FAM227B: variants seen among roughly 807,000 people sequenced by gnomAD.
FAM227B encodes protein FAM227B.
In FAM227B, 88 loss-of-function variants were observed where a neutral mutation model predicts 73.8. That is an observed-to-expected ratio of 1.19 (90% CI 1.00 to 1.42). FAM227B has a LOEUF of 1.42. FAM227B is among the 40% of genes most tolerant of loss of function. The pLI is 0.00. For missense variants in FAM227B, 632 were observed against 590.9 expected, an observed-to-expected ratio of 1.07 and a Z score of -0.72; for synonymous variants, 210 against 190.5, an observed-to-expected ratio of 1.10 and a Z score of -0.84.
intron 11 of FAM227B, among the ~76,000 whole-genome samples, chr15:49,430,855 A>C (rs2050548803): frequency 1.3e-5 from 2 of 151,944 alleles, no homozygotes; most frequent in South Asian, 4.1e-4. Flanking sequence ...ATTAAATTTC[A>C]ACATGAGTTT....
intron 11 of FAM227B, among the ~76,000 whole-genome samples, chr15:49,497,173 A>T (rs1245900032): frequency 1.3e-5 from 2 of 152,192 alleles, no homozygotes; most frequent in Non-Finnish European, 1.5e-5. Context: ...GGGTTGTATG[A>T]CCTGCTCAAA....
chr15:49,615,812 A>C (rs1299797646), intron 1 of FAM227B, among the ~76,000 whole-genome samples: 7 of 152,256 alleles, frequency 4.6e-5, no homozygotes, highest in Admixed American at 2.6e-4. Context: ...GACAAACGAC[A>C]TGCATATAAC....
At chr15:49,604,891 T>C (rs981258965) in intron 3 of FAM227B, among the ~76,000 whole-genome samples, 3 of 152,070 alleles carry the variant, frequency 2.0e-5, no homozygotes, top group Admixed American at 2.0e-4. Flanking sequence ...AATTTCTGTG[T>C]GTGGATTTTT....
intron 9 of FAM227B, among the ~76,000 whole-genome samples, chr15:49,559,785 A>G (rs529277820): frequency 2.0e-5 from 3 of 152,236 alleles, no homozygotes; most frequent in Non-Finnish European, 4.4e-5. Flanking sequence ...AAATACAAAA[A>G]TTAGCAGGGC....
chr15:49,543,860 G>C (rs759313622), intron 9 of FAM227B, among the ~76,000 whole-genome samples: 18 of 151,998 alleles, frequency 1.2e-4, no homozygotes, highest in Non-Finnish European at 2.5e-4. Flanking sequence ...TTGTCTACTT[G>C]CCTATTTTTA....
chr15:49,463,602 G>C (rs928761515), intron 11 of FAM227B, among the ~76,000 whole-genome samples: 18 of 150,716 alleles, frequency 1.2e-4, no homozygotes, highest in Non-Finnish European at 4.4e-5. Flanking sequence ...GTTCTTAATG[G>C]TCTAGCCCTG....
intron 11 of FAM227B, among the ~76,000 whole-genome samples, chr15:49,374,220 C>A (rs982069364): frequency 6.6e-6 from 1 of 152,104 alleles, no homozygotes; most frequent in African/African-American, 2.4e-5. Context: ...GAGACCCAAG[C>A]CTGATATAAT....
At chr15:49,588,601 A>ATATATATATATATAT (rs1491438325) in intron 4 of FAM227B, among the ~76,000 whole-genome samples, 1 of 109,648 alleles carries the variant, frequency 9.1e-6, no homozygotes, top group Non-Finnish European at 1.9e-5. Context: ...ATATATATAT[A>ATATATATATATATAT]AAATTACCTT....
At chr15:49,596,997 G>C (rs189286225) in intron 3 of FAM227B, among the ~76,000 whole-genome samples, 1 of 152,058 alleles carries the variant, frequency 6.6e-6, no homozygotes, top group East Asian at 1.9e-4. Flanking sequence ...CCTAAAAAAT[G>C]AGATAGATGG....
chr15:49,363,119 T>C (rs2044539528), intron 13 of FAM227B, among the ~76,000 whole-genome samples: 1 of 152,190 alleles, frequency 6.6e-6, no homozygotes, highest in East Asian at 1.9e-4. Context: ...CTTTTTTGGT[T>C]CAACATAAAT....
At chr15:49,429,317 G>A (rs531839652) in intron 11 of FAM227B, among the ~76,000 whole-genome samples, 3 of 152,024 alleles carry the variant, frequency 2.0e-5, no homozygotes, top group South Asian at 4.1e-4. Context: ...TAAACTGCTG[G>A]GGAGCAGATT....
chr15:49,507,295 T>C (rs1228729147), intron 11 of FAM227B, among the ~76,000 whole-genome samples: 1 of 152,138 alleles, frequency 6.6e-6, no homozygotes, highest in East Asian at 1.9e-4. Flanking sequence ...TAAATAATTC[T>C]AGAATCAGAT....
chr15:49,580,901 T>C (rs1161086889), intron 5 of FAM227B, among the ~76,000 whole-genome samples: 1 of 152,124 alleles, frequency 6.6e-6, no homozygotes, highest in African/African-American at 2.4e-5. Context: ...CCTCAAAGAT[T>C]GCTTCTCAGA....
chr15:49,504,375 T>C (rs1360309164), intron 11 of FAM227B, among the ~76,000 whole-genome samples: 4 of 151,638 alleles, frequency 2.6e-5, no homozygotes, highest in Admixed American at 1.3e-4. Flanking sequence ...TGTATACATA[T>C]GTAACAAACC....
At chr15:49,353,683 T>C (rs2042597721) in intron 13 of FAM227B, 2 of 151,792 alleles carry the variant, frequency 1.3e-5, no homozygotes, top group Non-Finnish European at 2.9e-5. Flanking sequence ...GCTTTCCTAT[T>C]CACTTCGCCC....
At chr15:49,571,987 A>G (rs2075137344) in intron 8 of FAM227B, among the ~76,000 whole-genome samples, 1 of 152,004 alleles carries the variant, frequency 6.6e-6, no homozygotes, top group South Asian at 2.1e-4. Context: ...TAAACACAGG[A>G]TATCTTTCCA....
intron 11 of FAM227B, among the ~76,000 whole-genome samples, chr15:49,492,092 T>C (rs1332205349): frequency 1.3e-5 from 2 of 151,906 alleles, no homozygotes; most frequent in Non-Finnish European, 2.9e-5. Context: ...GCAAGTCCTT[T>C]AGAATCTGTT....
At chr15:49,516,113 T>C (rs2059359508) in intron 10 of FAM227B, among the ~76,000 whole-genome samples, 1 of 152,100 alleles carries the variant, frequency 6.6e-6, no homozygotes, top group South Asian at 2.1e-4. Flanking sequence ...GACAATAGGG[T>C]TTGCTGTCCC....
intron 11 of FAM227B, among the ~76,000 whole-genome samples, chr15:49,497,806 G>A (rs2152077988): frequency 6.6e-6 from 1 of 152,286 alleles, no homozygotes; most frequent in South Asian, 2.1e-4. Context: ...CTCAATGGAG[G>A]CTGTGTTTCT....
Sources: allele counts gnomAD v4.1 joint callset (sites outside exome capture counted in the v4.1 genomes callset), GRCh38; gene constraint gnomAD v4.1.1; transcripts MANE v1.5; gene names NCBI Gene and HGNC (gene_info 2026-07-23, HGNC 2026-07-21).